MRTFB: variants seen among roughly 807,000 people sequenced by gnomAD.
MRTFB encodes myocardin-related transcription factor B.
A neutral mutation model predicts 104.2 loss-of-function variants in MRTFB; 29 were observed. The observed-to-expected ratio is 0.28, with a 90% CI of 0.21 to 0.38. The LOEUF (loss-of-function observed/expected upper bound fraction) is 0.38. MRTFB is among the 10% of genes least tolerant of loss of function. The pLI, the probability that MRTFB is intolerant of heterozygous loss-of-function variation, is 1.00. For synonymous variants in MRTFB, 535 were observed against 519.5 expected (o/e 1.03, Z -0.41); for missense variants, 1,270 against 1,341.6 (o/e 0.95, Z 0.83).
chr16:14,241,069 C>T, intron 10 of MRTFB: 1 of 430,272 alleles, frequency 2.3e-6, no homozygotes, highest in Non-Finnish European at 4.1e-6. Flanking sequence ...TCGAGTACAG[C>T]CAATGTCTAA....
chr16:14,185,281 G>T (rs914633439), intron 3 of MRTFB, among the ~76,000 whole-genome samples: 1 of 152,150 alleles, frequency 6.6e-6, no homozygotes, highest in Non-Finnish European at 1.5e-5. Context: ...AGAACAATAT[G>T]GGTTTAGTGC....
rs376171625 is a variant in MRTFB, at chr16:14,246,603, C to G, written c.1343C>G (p.Ala448Gly). 1 of 1,614,066 alleles carries G rather than the reference C, an allele frequency of 6.2e-7. No individual in the cohort carries two copies. Among genetic ancestry groups the G allele is most frequent in the African/African-American group, 1.3e-5 (1 of 74,920 alleles). The change falls in exon 12 of 17, where the codon GCA becomes GGA. Residue 448 changes from alanine to glycine, a missense_variant. Physicochemically the swap from Ala to Gly is moderately conservative, Grantham distance 60. Coordinates refer to ENST00000571589, the MANE Select transcript of MRTFB (RefSeq NM_001308142.2). Reference sequence around the variant, plus strand: ...GGCCTTGCTGCTGGGGGCATCGTGGCAGTGTCATCATCAGCCATTGTCACC... The same window carrying G: ...GGCCTTGCTGCTGGGGGCATCGTGGGAGTGTCATCATCAGCCATTGTCACC... ...SSGLAAGGIVAVSSSAIVTSN... is the reference protein window; with the variant it reads ...SSGLAAGGIVGVSSSAIVTSN...
intron 3 of MRTFB, among the ~76,000 whole-genome samples, chr16:14,197,310 A>G (rs2040484227): frequency 6.6e-6 from 1 of 152,096 alleles, no homozygotes; most frequent in Non-Finnish European, 1.5e-5. Flanking sequence ...TGAATTTCGC[A>G]TTAATTCTAA....
chr16:13,999,019 G>T, the MRTFB span, among the ~76,000 whole-genome samples: 1 of 150,048 alleles, frequency 6.7e-6, no homozygotes, highest in Non-Finnish European at 1.5e-5. Flanking sequence ...GTGAAACCCT[G>T]TCTCTACTAA....
chr16:14,234,469 C>T (rs921240290), intron 9 of MRTFB, among the ~76,000 whole-genome samples, 186 bp downstream of exon 9: 1 of 152,180 alleles, frequency 6.6e-6, no homozygotes, highest in African/African-American at 2.4e-5. Flanking sequence ...GTGCTATAGT[C>T]ATAGAAAAAT....
At chr16:14,075,473 G>A (rs530812998) in intron 1 of MRTFB, among the ~76,000 whole-genome samples, 4 of 152,328 alleles carry the variant, frequency 2.6e-5, no homozygotes, top group African/African-American at 7.2e-5. Flanking sequence ...TAAAAATCAC[G>A]GGACCAGATC....
At position 14,195,430 on chromosome 16, in the gene MRTFB, A is replaced by G. The variant is rs888133161; in HGVS notation, c.155-14813A>G. 12 of 674,526 alleles carry G rather than the reference A, an allele frequency of 1.8e-5. No individual in the cohort carries two copies. The Admixed American group carries it at 2.5e-4, about 14-fold the overall frequency. The allele number at this position is 674,526 out of a possible 1,614,324, so 41.8% of individuals were successfully genotyped here. A position where few individuals can be genotyped will look rare whatever the true frequency, so the allele number is the denominator to read the frequency against. ...GCACATTGCACATGTGTGTGTATAT[A>G]TATACATAGGTATATGTACAAATGT... On this transcript the variant is annotated intron_variant, in intron 3 of 16. Transcript: ENST00000571589.
chr16:14,200,395 T>G, intron 3 of MRTFB: 1 of 1,607,892 alleles, frequency 6.2e-7, no homozygotes, highest in Non-Finnish European at 8.5e-7. Flanking sequence ...CTAAAGATGT[T>G]TCACTGTTTG....
intron 2 of MRTFB, among the ~76,000 whole-genome samples, chr16:14,103,281 A>C (rs938329714): frequency 6.6e-6 from 1 of 152,224 alleles, no homozygotes; most frequent in Non-Finnish European, 1.5e-5. Flanking sequence ...ACTCCTGATC[A>C]AAGGTGCTCA....
At chr16:14,200,247 C>T in intron 3 of MRTFB, 2 of 1,398,972 alleles carry the variant, frequency 1.4e-6, no homozygotes, top group Non-Finnish European at 2.0e-6. Flanking sequence ...ATAATACATC[C>T]ATATGTTAGA....
chr16:14,029,405 T>TAAAA, the MRTFB span, among the ~76,000 whole-genome samples: 246 of 87,028 alleles, frequency 2.8e-3, 2 homozygotes, highest in East Asian at 0.016. Flanking sequence ...GACTCTGTCT[T>TAAAA]AAAAAAAAAA....
intron 2 of MRTFB, among the ~76,000 whole-genome samples, chr16:14,082,122 T>A (rs138038453): frequency 6.6e-6 from 1 of 152,228 alleles, no homozygotes; most frequent in Non-Finnish European, 1.5e-5. Flanking sequence ...TCCAGACCAA[T>A]GTCATGGAAC....
At chr16:14,144,605 T>C (rs947463912) in intron 3 of MRTFB, 6 of 152,160 alleles carry the variant, frequency 3.9e-5, no homozygotes, top group African/African-American at 1.2e-4. Context: ...GTTAATTCAA[T>C]TGAGCAATTC....
At chr16:14,182,601 C>T (rs942314305) in intron 3 of MRTFB, among the ~76,000 whole-genome samples, 8 of 152,168 alleles carry the variant, frequency 5.3e-5, no homozygotes, top group Non-Finnish European at 7.3e-5. Context: ...ACATGTTCCT[C>T]AGCTCTGTCT....
chr16:14,003,703 T>A, the MRTFB span, among the ~76,000 whole-genome samples: 3 of 144,200 alleles, frequency 2.1e-5, no homozygotes, highest in Non-Finnish European at 4.6e-5. Context: ...CTTCTTTCCT[T>A]CTTCCTTCCC....
At chr16:14,164,298 A>G (rs1294895238) in intron 3 of MRTFB, among the ~76,000 whole-genome samples, 3 of 152,072 alleles carry the variant, frequency 2.0e-5, no homozygotes, top group Non-Finnish European at 4.4e-5. Context: ...TTTTACCTTC[A>G]TGTGTGAGTG....
intron 3 of MRTFB, among the ~76,000 whole-genome samples, chr16:14,190,529 A>G (rs530137824): frequency 5.1e-4 from 78 of 152,356 alleles, no homozygotes; most frequent in African/African-American, 1.7e-3. Context: ...CTAGCTAGTT[A>G]TGTTCCATAT....
At chr16:14,146,134 T>G (rs78329321) in intron 3 of MRTFB, among the ~76,000 whole-genome samples, 4,580 of 152,350 alleles carry the variant, frequency 0.03, 253 homozygotes, top group African/African-American at 0.1. Flanking sequence ...TTTAATACTT[T>G]ATGGTATGTC....
chr16:14,104,463 C>T (rs1485635675), intron 2 of MRTFB, among the ~76,000 whole-genome samples: 2 of 152,202 alleles, frequency 1.3e-5, no homozygotes, highest in Non-Finnish European at 2.9e-5. Flanking sequence ...ATTTTACACT[C>T]AGGCAGGATG....
Sources: gnomAD v4.1 joint callset for allele counts (sites outside exome capture counted in the v4.1 genomes callset) on GRCh38, gnomAD v4.1.1 for gene constraint, MANE v1.5 for transcripts, NCBI Gene and HGNC (gene_info 2026-07-23, HGNC 2026-07-21) for gene names.